The following MRPL45 variants were observed in gnomAD, a reference collection of about 807,000 sequenced individuals.
The protein encoded by MRPL45 is large ribosomal subunit protein mL45.
Under a neutral mutation model 38.1 loss-of-function variants are expected in MRPL45, and 20 were observed. That is an observed-to-expected ratio of 0.53 (90% CI 0.37 to 0.76). The LOEUF (loss-of-function observed/expected upper bound fraction) is 0.76. Ranked by LOEUF, MRPL45 falls within the 30% of genes least tolerant of loss-of-function variation. The pLI, the probability that MRPL45 is intolerant of heterozygous loss-of-function variation, is 0.00. For missense variants in MRPL45, 337 were observed against 395.6 expected, an observed-to-expected ratio of 0.85 and a Z score of 1.26; for synonymous variants, 105 against 128.8, an observed-to-expected ratio of 0.82 and a Z score of 1.25.
chr17:38,322,094 C>CG lies in MRPL45; in HGVS notation c.661-32_661-31insG, dbSNP rs1555563027. Reference sequence around the variant, plus strand: ...AACTCACACTCACACACCAAAAAAACTAAGAGGCCAGATTTGCTTTTATCC... The same window carrying CG: ...AACTCACACTCACACACCAAAAAAACGTAAGAGGCCAGATTTGCTTTTATCC... On this transcript the variant is annotated intron_variant, in intron 6 of 7. Transcript: ENST00000613675. 130 of 1,596,492 alleles carry CG rather than the reference C, an allele frequency of 8.1e-5. 1 individual carries two copies. The South Asian group carries it at 1.4e-3, about 17-fold the overall frequency.
intron 1 of MRPL45, among the ~76,000 whole-genome samples, chr17:38,297,934 A>C (rs2036953425): frequency 1.3e-5 from 2 of 152,152 alleles, no homozygotes; most frequent in Non-Finnish European, 2.9e-5. Context: ...TGGTCTTTAC[A>C]AAAAAATTTT....
At chr17:38,317,664 C>T (rs963610376) in intron 4 of MRPL45, among the ~76,000 whole-genome samples, 7 of 151,958 alleles carry the variant, frequency 4.6e-5, no homozygotes, top group African/African-American at 1.5e-4. Flanking sequence ...CTCCGCCTCC[C>T]GGGTTCATGC....
rs61383463 is a variant in MRPL45, at chr17:38,316,737, CAAAAAAAA to C, written c.462-1930_462-1923del. On this transcript the variant is annotated intron_variant, in intron 4 of 7. Coordinates refer to ENST00000613675, the MANE Select transcript of MRPL45 (RefSeq NM_032351.6). ...CAGGCTGGAGGGCAGTGGTGCAATC[CAAAAAAAA>C]AAAAAAAAAAAAAAAAAAAGCAAAA... 4.2e-3 allele frequency among the ~76,000 whole-genome samples: 258 copies of C among 61,254 alleles called. 3 individuals are homozygous for C. Among genetic ancestry groups the C allele is most frequent in the Middle Eastern group, 0.042 (3 of 72 alleles). 40.2% of individuals were successfully genotyped at this position (61,254 alleles called of 152,430 possible).
chr17:38,321,940 G>A (rs955954530), intron 6 of MRPL45, among the ~76,000 whole-genome samples, 186 bp from the exon 7 acceptor site: 2 of 151,406 alleles, frequency 1.3e-5, no homozygotes, highest in Non-Finnish European at 1.5e-5. Flanking sequence ...GCTGAGGCAG[G>A]AGAATTGCTT....
chr17:38,305,414 C>T (rs2037042351), intron 3 of MRPL45, among the ~76,000 whole-genome samples: 2 of 145,036 alleles, frequency 1.4e-5, no homozygotes, highest in African/African-American at 5.0e-5. Flanking sequence ...TTGCAGTGAG[C>T]CGAGATTGCG....
At position 38,317,705 on chromosome 17, in the gene MRPL45, G is replaced by A. The variant is rs145122488; in HGVS notation, c.462-982G>A. On this transcript the variant is annotated intron_variant, in intron 4 of 7. Coordinates refer to ENST00000613675, the MANE Select transcript of MRPL45 (RefSeq NM_032351.6). ...TCCTGCCTTAGCCTCCTGAGTAGCT[G>A]GGACTACAGGCGCCTGCTACTACTC... Among the ~76,000 whole-genome samples the A allele has an allele frequency of 3.0e-3, 460 of 152,074 alleles. 1 individual carries two copies. Among genetic ancestry groups the A allele is most frequent in the African/African-American group, 0.01 (420 of 41,494 alleles).
intron 4 of MRPL45, among the ~76,000 whole-genome samples, chr17:38,309,363 A>G (rs1477094528): frequency 6.6e-6 from 1 of 151,288 alleles, no homozygotes; most frequent in Non-Finnish European, 1.5e-5. Flanking sequence ...AAAAATACAA[A>G]AAAAAAATTA....
intron 3 of MRPL45, among the ~76,000 whole-genome samples, chr17:38,299,713 T>C (rs2036973054): frequency 6.6e-6 from 1 of 151,654 alleles, no homozygotes; most frequent in African/African-American, 2.4e-5. Context: ...TTGGAGTGTA[T>C]AGGATCCTTT....
chr17:38,318,751 C>T lies in MRPL45; in HGVS notation c.510+16C>T. The T allele has an allele frequency of 6.3e-7, 1 of 1,586,326 alleles. No individual in the cohort carries two copies. Among genetic ancestry groups the T allele is most frequent in the Non-Finnish European group, 8.7e-7 (1 of 1,155,814 alleles). On this transcript the variant is annotated intron_variant, in intron 5 of 7. Transcript: ENST00000613675. ...CTGTTTTCCAGTAAGTTCTCATCCT[C>T]CTTAGAACTGTGGGGTGACTGAGTG... is the stretch of plus-strand genomic sequence containing the variant.
chr17:38,317,425 C>T (rs1772489703), intron 4 of MRPL45, among the ~76,000 whole-genome samples: 1 of 152,212 alleles, frequency 6.6e-6, no homozygotes, highest in Non-Finnish European at 1.5e-5. Context: ...AAGAGTTAAA[C>T]TGCTCATAGT....
At chr17:38,321,185 A>G (rs983731426) in intron 6 of MRPL45, among the ~76,000 whole-genome samples, 3 of 151,926 alleles carry the variant, frequency 2.0e-5, no homozygotes, top group African/African-American at 7.3e-5. Context: ...ATTTTGCCCA[A>G]GCTGGTCTCA....
chr17:38,322,047 G>A, intron 6 of MRPL45, 79 bp from the exon 7 acceptor site: 5 of 1,409,452 alleles, frequency 3.5e-6, no homozygotes, highest in East Asian at 2.3e-5. Context: ...AAAAAAAAAG[G>A]TTGTATGGCA....
At chr17:38,320,068 G>A (rs113436320) in intron 5 of MRPL45, among the ~76,000 whole-genome samples, 4,163 of 152,194 alleles carry the variant, frequency 0.027, 175 homozygotes, top group East Asian at 0.094. Context: ...GCGCCACTGT[G>A]CTCTAGCCTG....
intron 3 of MRPL45, among the ~76,000 whole-genome samples, chr17:38,301,082 C>T (rs1468219686): frequency 6.6e-6 from 1 of 152,110 alleles, no homozygotes; most frequent in Non-Finnish European, 1.5e-5. Flanking sequence ...TGGTCCTTGC[C>T]TTTTTCTCCA....
intron 4 of MRPL45, among the ~76,000 whole-genome samples, chr17:38,313,157 TG>T (rs1412489220): frequency 6.7e-6 from 1 of 150,056 alleles, no homozygotes; most frequent in Non-Finnish European, 1.5e-5. Context: ...GCTAATTTTT[TG>T]TATTTTTAGT....
At chr17:38,308,915 GTTTT>G (rs201149573) in intron 4 of MRPL45, among the ~76,000 whole-genome samples, 1 of 141,782 alleles carries the variant, frequency 7.1e-6, no homozygotes, top group South Asian at 2.3e-4. Flanking sequence ...TTTTATTTAT[GTTTT>G]TTTTTTGAGA....
intron 4 of MRPL45, among the ~76,000 whole-genome samples, chr17:38,312,079 T>C (rs1476888280): frequency 6.6e-6 from 1 of 151,038 alleles, no homozygotes; most frequent in Non-Finnish European, 1.5e-5. Flanking sequence ...GGAGTTTTGC[T>C]CTTGTCACCC....
intron 1 of MRPL45, among the ~76,000 whole-genome samples, chr17:38,297,797 C>T (rs540881066): frequency 6.6e-6 from 1 of 152,276 alleles, no homozygotes; most frequent in African/African-American, 2.4e-5. Flanking sequence ...TTTGCTTATG[C>T]TTTAAGCATA....
At chr17:38,317,932 C>A (rs2037190809) in intron 4 of MRPL45, among the ~76,000 whole-genome samples, 1 of 151,468 alleles carries the variant, frequency 6.6e-6, no homozygotes, top group Admixed American at 6.6e-5. Context: ...ACTCTGGCAG[C>A]AACAAGATAA....
Sources: allele counts gnomAD v4.1 joint callset (sites outside exome capture counted in the v4.1 genomes callset), GRCh38; gene constraint gnomAD v4.1.1; transcripts MANE v1.5; gene names NCBI Gene and HGNC (gene_info 2026-07-23, HGNC 2026-07-21).